The following ELAVL4 variants were observed in gnomAD, a reference collection of about 807,000 sequenced individuals.
ELAVL4 encodes the protein ELAV like RNA binding protein 4.
Under a neutral mutation model 35.6 loss-of-function variants are expected in ELAVL4, and 1 was observed. The observed-to-expected ratio is 0.03, with a 90% CI of 0.01 to 0.13. The LOEUF (loss-of-function observed/expected upper bound fraction) is 0.13. Among genes scored for constraint, ELAVL4 ranks in the 10% least tolerant of loss-of-function variants. ELAVL4 has a pLI of 1.00. For synonymous variants in ELAVL4, 156 were observed against 171.0 expected (o/e 0.91, Z 0.69); for missense variants, 267 against 464.9 (o/e 0.57, Z 3.91).
intron 3 of ELAVL4, among the ~76,000 whole-genome samples, chr1:50,188,499 AC>A (rs2148865384): frequency 6.6e-6 from 1 of 152,358 alleles, no homozygotes; most frequent in Non-Finnish European, 1.5e-5. Flanking sequence ...GAGAAGTAAG[AC>A]AAAAGAGAAA....
chr1:50,095,428 G>GAAAA (rs1285887647), intron 1 of ELAVL4, among the ~76,000 whole-genome samples: 2 of 150,652 alleles, frequency 1.3e-5, no homozygotes, highest in African/African-American at 4.9e-5. Context: ...CTATAAAAAA[G>GAAAA]AAAAAAAAGG....
At chr1:50,131,993 C>T (rs1453082928) in intron 1 of ELAVL4, among the ~76,000 whole-genome samples, 2 of 151,406 alleles carry the variant, frequency 1.3e-5, no homozygotes, top group Non-Finnish European at 2.9e-5. Context: ...CAAAAGCAAA[C>T]CCATCATGCA....
chr1:50,166,482 T>C (rs1677942230), intron 2 of ELAVL4, among the ~76,000 whole-genome samples: 1 of 152,194 alleles, frequency 6.6e-6, no homozygotes, highest in Admixed American at 6.5e-5. Flanking sequence ...TGCACAAACA[T>C]GTCTTTAGCA....
chr1:50,078,853 T>A (rs1664879402), intron 1 of ELAVL4, among the ~76,000 whole-genome samples: 1 of 152,164 alleles, frequency 6.6e-6, no homozygotes, highest in South Asian at 2.1e-4. Context: ...CGTCTGTTGG[T>A]GGCCATGCAG....
rs186283337 is a variant in ELAVL4 at position 50,094,131 on chromosome 1, C to T, written c.18+45949C>T. On this transcript the variant is annotated intron_variant, in intron 1 of 6. Coordinates refer to the ELAVL4 transcript ENST00000448907. ...TGCAGCTTAAAAATGAGAAAAGCAG[C>T]GATTTGGAAGCTTTGTCTAGGAAAG... Among the ~76,000 whole-genome samples the T allele has an allele frequency of 8.4e-4, 128 of 152,210 alleles. 1 individual carries two copies. Among genetic ancestry groups the T allele is most frequent in the African/African-American group, 2.9e-3 (122 of 41,544 alleles).
intron 5 of ELAVL4, among the ~76,000 whole-genome samples, chr1:50,197,156 G>A (rs1644106613): frequency 6.6e-6 from 1 of 151,990 alleles, no homozygotes; most frequent in South Asian, 2.1e-4. Flanking sequence ...CCACACAAAT[G>A]TTCTGAGAGG....
chr1:50,135,407 C>T (rs188843435), intron 1 of ELAVL4, among the ~76,000 whole-genome samples: 1 of 152,216 alleles, frequency 6.6e-6, no homozygotes, highest in African/African-American at 2.4e-5. Flanking sequence ...TATGCTTTTG[C>T]TGAGGAGGGG....
chr1:50,127,171 C>G (rs1305507123), intron 1 of ELAVL4, among the ~76,000 whole-genome samples: 2 of 152,104 alleles, frequency 1.3e-5, no homozygotes, highest in Non-Finnish European at 2.9e-5. Context: ...TGCTCTGCCT[C>G]TAAACTCTCC....
chr1:50,178,236 C>A (rs1278738537), intron 3 of ELAVL4, among the ~76,000 whole-genome samples: 2 of 152,180 alleles, frequency 1.3e-5, no homozygotes, highest in East Asian at 1.9e-4. Context: ...AGGTCTGACG[C>A]AAAGTAGGAC....
upstream of ELAVL4, among the ~76,000 whole-genome samples, chr1:50,103,120 A>G (rs1041448276): frequency 5.3e-5 from 8 of 152,230 alleles, no homozygotes; most frequent in Non-Finnish European, 1.0e-4. Flanking sequence ...GAAAGCAGGA[A>G]GATGAAGTAT....
chr1:50,133,226 G>A (rs1671162399), intron 1 of ELAVL4, among the ~76,000 whole-genome samples: 2 of 152,150 alleles, frequency 1.3e-5, no homozygotes, highest in Admixed American at 6.6e-5. Flanking sequence ...CCAAGAATAT[G>A]AACATAAGAA....
intron 1 of ELAVL4, among the ~76,000 whole-genome samples, chr1:50,056,062 C>T (rs766812863): frequency 1.3e-5 from 2 of 152,004 alleles, no homozygotes; most frequent in Non-Finnish European, 1.5e-5. Context: ...CCTTTTCTTT[C>T]CCTGGAGATT....
At chr1:50,088,192 C>T (rs1665334183) in intron 1 of ELAVL4, among the ~76,000 whole-genome samples, 1 of 152,154 alleles carries the variant, frequency 6.6e-6, no homozygotes, top group Non-Finnish European at 1.5e-5. Context: ...GCTGGCCTGT[C>T]CTTCACTGAA....
chr1:50,106,506 A>G (rs79810783), upstream of ELAVL4: 2 of 670,606 alleles, frequency 3.0e-6, no homozygotes, highest in Admixed American at 5.5e-5. Context: ...ATTGTGGCAG[A>G]AAAAAAAAAT....
chr1:50,119,010 A>T (rs7517535), intron 1 of ELAVL4, among the ~76,000 whole-genome samples: 1 of 144,394 alleles, frequency 6.9e-6, no homozygotes, highest in African/African-American at 2.6e-5. Context: ...GAGAGAAAGA[A>T]AGAAAAGAAA....
chr1:50,070,295 C>T (rs1302362074), intron 1 of ELAVL4, among the ~76,000 whole-genome samples: 1 of 152,130 alleles, frequency 6.6e-6, no homozygotes, highest in African/African-American at 2.4e-5. Flanking sequence ...TTTCCTGAAT[C>T]CTTATTTGGA....
At chr1:50,075,984 C>T (rs1299133890) in intron 1 of ELAVL4, among the ~76,000 whole-genome samples, 3 of 152,084 alleles carry the variant, frequency 2.0e-5, no homozygotes, top group African/African-American at 7.2e-5. Flanking sequence ...TGCACCACCA[C>T]ACCCAGCTAT....
intron 1 of ELAVL4, among the ~76,000 whole-genome samples, chr1:50,071,266 T>C (rs1664502477): frequency 6.6e-6 from 1 of 152,252 alleles, no homozygotes; most frequent in South Asian, 2.1e-4. Context: ...TGTGCTACCT[T>C]CATTTGAATG....
chr1:50,086,968 G>C (rs1364005922), intron 1 of ELAVL4, among the ~76,000 whole-genome samples: 1 of 152,118 alleles, frequency 6.6e-6, no homozygotes, highest in Non-Finnish European at 1.5e-5. Flanking sequence ...GCTAAAGGAA[G>C]AGATTCCCAT....
Sources: allele counts gnomAD v4.1 joint callset (sites outside exome capture counted in the v4.1 genomes callset), GRCh38; gene constraint gnomAD v4.1.1; transcripts MANE v1.5; gene names NCBI Gene and HGNC (gene_info 2026-07-23, HGNC 2026-07-21).